NOC3L: variants seen among roughly 807,000 people sequenced by gnomAD.
NOC3L encodes nucleolar complex protein 3 homolog.
NOC3L carries 85 observed loss-of-function variants against 102.5 expected under a neutral mutation model. The ratio of observed to expected loss-of-function variants is 0.83; its 90% CI spans 0.70 to 0.99. The LOEUF (loss-of-function observed/expected upper bound fraction) is 0.99. Ranked by LOEUF, NOC3L falls within the 50% of genes least tolerant of loss-of-function variation. The pLI, the probability that NOC3L is intolerant of heterozygous loss-of-function variation, is 0.00. For missense variants in NOC3L, 878 were observed against 914.9 expected (o/e 0.96, Z 0.52); for synonymous variants, 303 against 309.4 (o/e 0.98, Z 0.22).
the NOC3L span, among the ~76,000 whole-genome samples, chr10:94,319,399 C>A: frequency 6.6e-6 from 1 of 152,066 alleles, no homozygotes; most frequent in Non-Finnish European, 1.5e-5. Flanking sequence ...TAAGTATTTC[C>A]ATTTATTTTA....
intron 13 of NOC3L, among the ~76,000 whole-genome samples, chr10:94,342,524 G>A (rs1003633872): frequency 1.5e-4 from 22 of 146,754 alleles, no homozygotes; most frequent in African/African-American, 5.1e-4. Context: ...CCTTTGATCT[G>A]GCACTACATG....
chr10:94,344,560 G>T, intron 12 of NOC3L, 45 bp from the exon 13 acceptor site: 1 of 1,345,072 alleles, frequency 7.4e-7, no homozygotes, highest in Non-Finnish European at 1.1e-6. Context: ...AACCTGGTAT[G>T]CTTTCTCCTG....
intron 11 of NOC3L, among the ~76,000 whole-genome samples, chr10:94,345,369 C>CA (rs2054331276): frequency 5.3e-5 from 8 of 151,954 alleles, no homozygotes; most frequent in Admixed American, 5.2e-4. Flanking sequence ...ACTTGGAAGC[C>CA]AGTCACCAAC....
chr10:94,337,704 A>C lies in NOC3L; in HGVS notation c.2189+73T>G, dbSNP rs564816955. The stretch of plus-strand genomic sequence containing the variant: ...ACATTTTGTAGTATGTTACTTTATG[A>C]AACAGTCTTCTCATAGTAAGTGGCT... On this transcript the variant is annotated intron_variant, in intron 19 of 20. Coordinates refer to ENST00000371361, the MANE Select transcript of NOC3L (RefSeq NM_022451.11). 27 of 993,358 alleles carry C rather than the reference A, an allele frequency of 2.7e-5. No individual in the cohort carries two copies. In the African/African-American group the frequency reaches 3.7e-4, roughly 14 times the overall value. 61.5% of individuals were successfully genotyped at this position (993,358 alleles called of 1,614,324 possible). A position where few individuals can be genotyped will look rare whatever the true frequency, so the allele number is the denominator to read the frequency against.
the NOC3L span, chr10:94,316,651 A>C: frequency 6.2e-7 from 1 of 1,613,082 alleles, no homozygotes; most frequent in East Asian, 2.2e-5. Context: ...GGAAACAACC[A>C]TTCCAGAGAG....
intron 2 of NOC3L, among the ~76,000 whole-genome samples, chr10:94,360,766 GATT>G (rs1293929101): frequency 6.6e-6 from 1 of 151,938 alleles, no homozygotes; most frequent in African/African-American, 2.4e-5. Flanking sequence ...ACTCTGATGT[GATT>G]ATTATGCATT....
At chr10:94,324,928 GC>G in the NOC3L span, 1 of 1,614,108 alleles carries the variant, frequency 6.2e-7, no homozygotes. Flanking sequence ...CATTTCTTTC[GC>G]AAGTGAACTC....
At position 94,361,763 on chromosome 10, in the gene NOC3L, T is replaced by G; in HGVS notation, c.119A>C (p.Lys40Thr). The change falls in exon 2 of 21, where the codon AAG becomes ACG. Residue 40 changes from lysine (K) to threonine (T), a missense_variant. By Grantham distance (78) the Lys-to-Thr change is moderately conservative. Transcript: ENST00000371361. ...NKQFKQQSTL[K>T]KYRKEQRKLR... ...TTTCCTCTGTTCTTTTCGGTACTTC[T>G]TGAGAGTGCTTTGTTGTTTAAACTG... is the stretch of plus-strand genomic sequence containing the variant. 6.2e-7 allele frequency: 1 copy of G among 1,614,096 alleles called. No homozygotes were observed. Among genetic ancestry groups the G allele is most frequent in the Non-Finnish European group, 8.5e-7 (1 of 1,179,982 alleles).
At position 94,359,497 on chromosome 10, in the gene NOC3L, G is replaced by GCTGCACAGAATATATACACACTTGCTATA. The variant is rs1554926325; in HGVS notation, c.218-1283_218-1282insTATAGCAAGTGTGTATATATTCTGTGCAG. Among the ~76,000 whole-genome samples the GCTGCACAGAATATATACACACTTGCTATA allele has an allele frequency of 2.6e-5, 4 of 151,194 alleles. No homozygotes were observed. The East Asian group carries it at 7.8e-4, about 29-fold the overall frequency. On this transcript the variant is annotated intron_variant, in intron 2 of 20. Transcript: ENST00000371361. ...CCCTAGTAAATCTTGCTATATAAAT[G>GCTGCACAGAATATATACACACTTGCTATA]TACACACTGCACAGAATGGCACTCC...
At chr10:94,344,284 T>C in intron 13 of NOC3L, 131 bp downstream of exon 13, 2 of 536,750 alleles carry the variant, frequency 3.7e-6, no homozygotes, top group Non-Finnish European at 6.6e-6. Flanking sequence ...TAGCTTCAAG[T>C]AAAGGCTGGT....
the NOC3L span, among the ~76,000 whole-genome samples, chr10:94,326,878 T>C: frequency 7.2e-4 from 109 of 152,322 alleles, 2 homozygotes; most frequent in East Asian, 0.02. Flanking sequence ...TGGGGAGGCC[T>C]GGCCAGGCAC....
At chr10:94,321,062 T>A in the NOC3L span, among the ~76,000 whole-genome samples, 2 of 152,198 alleles carry the variant, frequency 1.3e-5, no homozygotes, top group Admixed American at 1.3e-4. Context: ...ATTAATCTAA[T>A]TCTCATAATT....
At chr10:94,341,902 T>C (rs984253107) in intron 13 of NOC3L, among the ~76,000 whole-genome samples, 157 bp from the exon 14 acceptor site, 3 of 152,246 alleles carry the variant, frequency 2.0e-5, no homozygotes, top group African/African-American at 7.2e-5. Context: ...TTAATTCAGA[T>C]TGGCCTCTTC....
chr10:94,337,971 A>T (rs2054242218), intron 18 of NOC3L, 97 bp from the exon 19 acceptor site: 2 of 841,610 alleles, frequency 2.4e-6, no homozygotes. Context: ...ATTACACCAA[A>T]TTTTTTTTCA....
At chr10:94,324,561 G>A in the NOC3L span, 3 of 1,612,116 alleles carry the variant, frequency 1.9e-6, no homozygotes, top group Non-Finnish European at 2.5e-6. Flanking sequence ...TAAAGGAGCA[G>A]GTGCAGGTAA....
At chr10:94,328,951 G>A (rs1027982606), downstream of NOC3L, 3 of 152,108 alleles carry the variant, frequency 2.0e-5, no homozygotes, top group Non-Finnish European at 4.4e-5. Context: ...ATTTTTTAAA[G>A]CAAAAGTAGA....
chr10:94,322,301 C>G, the NOC3L span, among the ~76,000 whole-genome samples: 1 of 151,720 alleles, frequency 6.6e-6, no homozygotes, highest in South Asian at 2.1e-4. Context: ...CTGCAGTGAG[C>G]TATGACTGGC....
At chr10:94,349,084 C>T (rs925799852) in intron 10 of NOC3L, among the ~76,000 whole-genome samples, 166 bp downstream of exon 10, 2 of 151,862 alleles carry the variant, frequency 1.3e-5, no homozygotes, top group Admixed American at 6.6e-5. Context: ...GGATAAATAC[C>T]GAACTGTTAA....
At chr10:94,361,377 TG>T in intron 2 of NOC3L, 1 of 387,838 alleles carries the variant, frequency 2.6e-6, no homozygotes, top group Non-Finnish European at 4.6e-6. Context: ...CCAATATTTA[TG>T]TAACGGAGTA....
Sources: gnomAD v4.1 joint callset for allele counts (sites outside exome capture counted in the v4.1 genomes callset) on GRCh38, gnomAD v4.1.1 for gene constraint, MANE v1.5 for transcripts, NCBI Gene and HGNC (gene_info 2026-07-23, HGNC 2026-07-21) for gene names.